MAGI2: variants seen among roughly 807,000 people sequenced by gnomAD.
The protein encoded by MAGI2 is membrane associated guanylate kinase, WW and PDZ domain containing 2, also known as membrane-associated guanylate kinase, WW and PDZ domain-containing protein 2.
A neutral mutation model predicts 133.3 loss-of-function variants in MAGI2; 35 were observed. The ratio of observed to expected loss-of-function variants is 0.26; its 90% CI spans 0.20 to 0.35. The LOEUF is 0.35. Among genes scored for constraint, MAGI2 ranks in the 10% least tolerant of loss-of-function variants. The probability of loss-of-function intolerance (pLI) is 1.00; values close to 1 mark genes in which losing one functional copy is unlikely to be tolerated. For missense variants in MAGI2, 1,636 were observed against 1,863.4 expected, an observed-to-expected ratio of 0.88 and a Z score of 2.25; for synonymous variants, 729 against 710.6, an observed-to-expected ratio of 1.03 and a Z score of -0.41.
chr7:78,125,020 C>G lies in MAGI2; in HGVS notation c.3567+674G>C, dbSNP rs564939843. ...CTAGGACTACAGGCGCCCGCCACCA[C>G]GCCTGGCTAATTTTTTTGTATTTTT... On this transcript the variant is annotated intron_variant, in intron 20 of 21. Coordinates refer to ENST00000354212, the MANE Select transcript of MAGI2 (RefSeq NM_012301.4). 4.6e-5 allele frequency among the ~76,000 whole-genome samples: 7 copies of G among 152,198 alleles called. No individual in the cohort carries two copies. The South Asian group carries it at 1.5e-3, about 32-fold the overall frequency.
At chr7:79,044,241 T>G (rs1811961503) in intron 1 of MAGI2, among the ~76,000 whole-genome samples, 1 of 152,212 alleles carries the variant, frequency 6.6e-6, no homozygotes, top group Admixed American at 6.5e-5. Context: ...CATGATCAAG[T>G]GGGCTTCATT....
chr7:78,315,551 G>A (rs982987416), intron 9 of MAGI2, among the ~76,000 whole-genome samples: 45 of 152,074 alleles, frequency 3.0e-4, no homozygotes, highest in African/African-American at 1.0e-3. Context: ...CTCCTTGTTC[G>A]CATACACCCA....
chr7:78,501,484 C>CTT lies in MAGI2; in HGVS notation c.965+91_965+92dup, dbSNP rs554529806. On this transcript the variant is annotated intron_variant, in intron 5 of 21. Transcript: ENST00000354212. ...TGTTACCAGAATTTCATGTTTTTTT[C>CTT]TTTTTTTTTTTTTTTCCACGTCTAA... 0.051 allele frequency: 42,216 copies of CTT among 827,814 alleles called. 726 individuals carry two copies. The highest frequency in any genetic ancestry group is 0.16 in the African/African-American group (8,527 of 54,308). The allele number at this position is 827,814 out of a possible 1,614,324, so 51.3% of individuals were successfully genotyped here.
At chr7:78,326,010 C>T (rs1030458870) in intron 9 of MAGI2, among the ~76,000 whole-genome samples, 1 of 152,194 alleles carries the variant, frequency 6.6e-6, no homozygotes, top group Non-Finnish European at 1.5e-5. Flanking sequence ...TCCTGATCAA[C>T]CTCCTGGCAG....
chr7:78,635,481 T>C (rs1380051057), intron 2 of MAGI2, among the ~76,000 whole-genome samples: 1 of 152,256 alleles, frequency 6.6e-6, no homozygotes, highest in East Asian at 1.9e-4. Context: ...AAAAATTCCA[T>C]AGTGCTTGCC....
At chr7:78,122,420 AT>A (rs888838925) in intron 20 of MAGI2, among the ~76,000 whole-genome samples, 1 of 152,084 alleles carries the variant, frequency 6.6e-6, no homozygotes, top group African/African-American at 2.4e-5. Context: ...GGCAAATGAT[AT>A]TTTTTTGTGC....
At chr7:78,333,064 C>T (rs980350356) in intron 9 of MAGI2, among the ~76,000 whole-genome samples, 8 of 152,188 alleles carry the variant, frequency 5.3e-5, no homozygotes, top group Admixed American at 1.3e-4. Context: ...AATTATCTAA[C>T]ACGATGTGAG....
intron 3 of MAGI2, among the ~76,000 whole-genome samples, chr7:78,603,812 C>T (rs777137590): frequency 1.5e-4 from 23 of 152,116 alleles, no homozygotes; most frequent in African/African-American, 3.4e-4. Context: ...TGAGTCACCC[C>T]GCCCAGCCAA....
intron 10 of MAGI2, among the ~76,000 whole-genome samples, chr7:78,233,364 T>C (rs1255621548): frequency 6.6e-6 from 1 of 152,096 alleles, no homozygotes; most frequent in Non-Finnish European, 1.5e-5. Flanking sequence ...GGAGGAAAGA[T>C]TCTGGAAGAA....
chr7:78,378,166 T>A (rs1168366293), intron 6 of MAGI2, among the ~76,000 whole-genome samples: 2 of 151,686 alleles, frequency 1.3e-5, no homozygotes, highest in African/African-American at 4.8e-5. Flanking sequence ...GAACCTAAAA[T>A]ATAAGGACTA....
chr7:78,079,526 A>C (rs951536421), intron 20 of MAGI2, among the ~76,000 whole-genome samples: 1 of 152,204 alleles, frequency 6.6e-6, no homozygotes, highest in Non-Finnish European at 1.5e-5. Context: ...ATGTTGGATA[A>C]ATTTATTGGT....
chr7:78,366,654 T>C (rs1477580402), intron 7 of MAGI2, among the ~76,000 whole-genome samples: 1 of 152,198 alleles, frequency 6.6e-6, no homozygotes, highest in Non-Finnish European at 1.5e-5. Flanking sequence ...TCTCAAGTAA[T>C]GTATACATCA....
At chr7:78,261,573 G>T (rs761149314) in intron 9 of MAGI2, among the ~76,000 whole-genome samples, 50 of 152,108 alleles carry the variant, frequency 3.3e-4, no homozygotes, top group Non-Finnish European at 7.4e-5. Flanking sequence ...AGGATGGAAA[G>T]ATTTAGTCAG....
At chr7:78,969,032 T>C (rs2115936418) in intron 2 of MAGI2, among the ~76,000 whole-genome samples, 1 of 152,200 alleles carries the variant, frequency 6.6e-6, no homozygotes, top group East Asian at 1.9e-4. Flanking sequence ...GCTAGAGGCT[T>C]GCATATGTAA....
At chr7:79,239,910 T>G (rs11977493) in intron 1 of MAGI2, among the ~76,000 whole-genome samples, 92,583 of 151,992 alleles carry the variant, frequency 0.61, 29,555 homozygotes, top group Non-Finnish European at 0.7. Context: ...AGAAGCCCAA[T>G]CTTAGAATTG....
At chr7:78,176,908 G>GACTCTCACACACACACACAC (rs781171770) in intron 14 of MAGI2, among the ~76,000 whole-genome samples, 10 of 130,432 alleles carry the variant, frequency 7.7e-5, no homozygotes, top group African/African-American at 2.9e-4. Flanking sequence ...ACCATATATA[G>GACTCTCACACACACACACAC]ACACACACAC....
Position 78,256,574 on chromosome 7 carries a change from G to T in MAGI2, c.1416C>A (p.Val472=). 6.2e-7 allele frequency: 1 copy of T among 1,609,168 alleles called. No individual in the cohort carries two copies. ...AQDGKMETGD[V]IVYINEVCVL... is the part of the protein sequence containing the mutation. ...CACAAACTTCATTAATATAGACAAT[G>T]ACATCACCTGTAAGAAAAAAAGAGA... The change falls in exon 10 of 22, where the codon GTC becomes GTA. Residue 472 remains valine, a synonymous_variant. Coordinates refer to ENST00000354212, the MANE Select transcript of MAGI2 (RefSeq NM_012301.4).
intron 1 of MAGI2, among the ~76,000 whole-genome samples, chr7:79,017,588 ATGGC>A (rs1173449352): frequency 3.3e-5 from 5 of 152,240 alleles, no homozygotes; most frequent in African/African-American, 4.8e-5. Flanking sequence ...CTAGGCTGAG[ATGGC>A]TGAAATGATA....
intron 1 of MAGI2, among the ~76,000 whole-genome samples, chr7:79,305,522 T>C (rs933301855): frequency 3.6e-4 from 55 of 152,206 alleles, no homozygotes; most frequent in African/African-American, 1.3e-3. Flanking sequence ...TACTACATTA[T>C]GTTAGAACTA....
Sources: gnomAD v4.1 joint callset for allele counts (sites outside exome capture counted in the v4.1 genomes callset) on GRCh38, gnomAD v4.1.1 for gene constraint, MANE v1.5 for transcripts, NCBI Gene and HGNC (gene_info 2026-07-23, HGNC 2026-07-21) for gene names.